Variants in GRIK2 observed in about 807,000 individuals in gnomAD.
The protein encoded by GRIK2 is glutamate receptor ionotropic, kainate 2.
GRIK2 carries 32 observed loss-of-function variants against 100.3 expected under a neutral mutation model. The ratio of observed to expected loss-of-function variants is 0.32; its 90% CI spans 0.24 to 0.43. The LOEUF (loss-of-function observed/expected upper bound fraction) is 0.43. Among genes scored for constraint, GRIK2 ranks in the 20% least tolerant of loss-of-function variants. The pLI, the probability that GRIK2 is intolerant of heterozygous loss-of-function variation, is 1.00. For missense variants in GRIK2, 843 were observed against 1,114.9 expected (o/e 0.76, Z 3.47); for synonymous variants, 417 against 389.4 (o/e 1.07, Z -0.83).
At chr6:101,714,779 T>A (rs1297691539) in intron 7 of GRIK2, among the ~76,000 whole-genome samples, 3 of 151,810 alleles carry the variant, frequency 2.0e-5, no homozygotes, top group Admixed American at 6.6e-5. Flanking sequence ...CCTTTGCAGT[T>A]AAAATTCTTA....
chr6:102,012,937 A>G (rs548505162), intron 14 of GRIK2, among the ~76,000 whole-genome samples: 1 of 152,126 alleles, frequency 6.6e-6, no homozygotes, highest in African/African-American at 2.4e-5. Flanking sequence ...GTTCCATGTG[A>G]ATTTTAAATT....
At chr6:102,051,777 T>C (rs1771212861) in intron 15 of GRIK2, among the ~76,000 whole-genome samples, 2 of 152,284 alleles carry the variant, frequency 1.3e-5, no homozygotes, top group East Asian at 1.9e-4. Flanking sequence ...AGTTTGAAAA[T>C]TGACTCTAAG....
intron 2 of GRIK2, among the ~76,000 whole-genome samples, chr6:101,460,745 G>GC (rs1771263425): frequency 6.6e-6 from 1 of 152,142 alleles, no homozygotes; most frequent in South Asian, 2.1e-4. Flanking sequence ...AAGGACACCT[G>GC]CAAGAATTAA....
chr6:101,592,624 T>TA (rs71028078), intron 2 of GRIK2, among the ~76,000 whole-genome samples: 5 of 133,536 alleles, frequency 3.7e-5, no homozygotes, highest in South Asian at 2.4e-4. Flanking sequence ...TATATATATA[T>TA]TGCTTTTTCA....
intron 4 of GRIK2, among the ~76,000 whole-genome samples, chr6:101,646,122 G>A (rs1251998641): frequency 6.6e-6 from 1 of 151,046 alleles, no homozygotes; most frequent in African/African-American, 2.5e-5. Flanking sequence ...GTTCCACAAG[G>A]GCAGAGAATG....
chr6:101,675,179 C>T (rs1049837185), intron 4 of GRIK2, among the ~76,000 whole-genome samples: 14 of 151,980 alleles, frequency 9.2e-5, no homozygotes, highest in African/African-American at 2.7e-4. Context: ...CCTCTCTTCC[C>T]TCTACCCTCC....
At chr6:101,864,712 C>T (rs981632266) in intron 11 of GRIK2, among the ~76,000 whole-genome samples, 12 of 151,994 alleles carry the variant, frequency 7.9e-5, no homozygotes, top group African/African-American at 2.7e-4. Context: ...TTGAATGTTG[C>T]TATATTTTGT....
intron 5 of GRIK2, among the ~76,000 whole-genome samples, chr6:101,677,967 G>T (rs1007505056): frequency 6.6e-6 from 1 of 151,954 alleles, no homozygotes; most frequent in African/African-American, 2.4e-5. Flanking sequence ...GAGTTTTTGG[G>T]TTTTTTTGGC....
chr6:101,533,045 C>T (rs1486774726), intron 2 of GRIK2, among the ~76,000 whole-genome samples: 1 of 151,846 alleles, frequency 6.6e-6, no homozygotes, highest in Non-Finnish European at 1.5e-5. Context: ...CAATTAGGTT[C>T]AACTTATCTC....
intron 10 of GRIK2, among the ~76,000 whole-genome samples, chr6:101,827,493 A>C (rs548195591): frequency 1.3e-5 from 2 of 151,958 alleles, no homozygotes; most frequent in South Asian, 4.1e-4. Context: ...AAAACAAAAA[A>C]AAACCAATAT....
intron 11 of GRIK2, among the ~76,000 whole-genome samples, chr6:101,876,257 C>T (rs1785832152): frequency 6.6e-6 from 1 of 151,404 alleles, no homozygotes; most frequent in Non-Finnish European, 1.5e-5. Context: ...TACATTTTTC[C>T]TCCTTATAAT....
intron 2 of GRIK2, among the ~76,000 whole-genome samples, chr6:101,580,686 G>C (rs2128302699): frequency 6.6e-6 from 1 of 152,142 alleles, no homozygotes. Flanking sequence ...GAACCTCTCT[G>C]CCCTAAGTTC....
chr6:101,498,982 T>C lies in GRIK2; in HGVS notation c.115+99590T>C, dbSNP rs564582000. Reference sequence around the variant, plus strand: ...GAATGGTAATGCCTAGGTTTTCTTCTAGGGTTTTTATGGTTTTAGGTCTAA... The same window carrying C: ...GAATGGTAATGCCTAGGTTTTCTTCCAGGGTTTTTATGGTTTTAGGTCTAA... On this transcript the variant is annotated intron_variant, in intron 2 of 16. Coordinates refer to ENST00000369134, the MANE Select transcript of GRIK2 (RefSeq NM_021956.5). Among the ~76,000 whole-genome samples the C allele has an allele frequency of 8.5e-5, 13 of 152,172 alleles. No homozygotes were observed. In the South Asian group the frequency reaches 2.7e-3, roughly 32 times the overall value.
At chr6:101,862,758 A>G (rs571327825) in intron 11 of GRIK2, among the ~76,000 whole-genome samples, 80 of 152,028 alleles carry the variant, frequency 5.3e-4, no homozygotes, top group African/African-American at 1.9e-3. Context: ...TTTTGTGGAA[A>G]CTCATAGTTT....
In GRIK2 at chr6:101,409,108, ATGTGTGTGTGTG is replaced by A. The variant is rs67806970; in HGVS notation, c.115+9750_115+9761del. On this transcript the variant is annotated intron_variant, in intron 2 of 16. Coordinates refer to ENST00000369134, the MANE Select transcript of GRIK2 (RefSeq NM_021956.5). ...ATTTCTATTACCTGAAACATTGTGT[ATGTGTGTGTGTG>A]TGTGTGTGTGTGTGTGTGTGTGTGT... 5.3e-3 allele frequency among the ~76,000 whole-genome samples: 734 copies of A among 138,514 alleles called. 4 individuals carry two copies. The highest frequency in any genetic ancestry group is 0.014 in the African/African-American group (535 of 37,546). 90.9% of individuals were successfully genotyped at this position (138,514 alleles called of 152,430 possible). A position where few individuals can be genotyped will look rare whatever the true frequency, so the allele number is the denominator to read the frequency against.
chr6:101,919,375 T>A (rs569294231), intron 12 of GRIK2, among the ~76,000 whole-genome samples: 51 of 151,924 alleles, frequency 3.4e-4, no homozygotes, highest in African/African-American at 1.1e-3. Flanking sequence ...AGTTTGTATT[T>A]AAGTAAAAAT....
intron 16 of GRIK2, among the ~76,000 whole-genome samples, chr6:102,056,888 CAAATT>C (rs1362494169): frequency 7.9e-5 from 12 of 151,946 alleles, no homozygotes; most frequent in East Asian, 3.9e-4. Context: ...ACTGAAATAA[CAAATT>C]AAAGTTTTTG....
At chr6:101,951,140 C>T (rs1416018847) in intron 14 of GRIK2, among the ~76,000 whole-genome samples, 3 of 152,146 alleles carry the variant, frequency 2.0e-5, no homozygotes, top group Non-Finnish European at 4.4e-5. Flanking sequence ...GTCATCCAAA[C>T]ACCTTTTAAA....
At chr6:102,046,821 A>G (rs1770912967) in intron 15 of GRIK2, among the ~76,000 whole-genome samples, 1 of 152,174 alleles carries the variant, frequency 6.6e-6, no homozygotes, top group Non-Finnish European at 1.5e-5. Context: ...CCATGAAACA[A>G]ATCTTAACAA....
Sources: allele counts gnomAD v4.1 joint callset (sites outside exome capture counted in the v4.1 genomes callset), GRCh38; gene constraint gnomAD v4.1.1; transcripts MANE v1.5; gene names NCBI Gene and HGNC (gene_info 2026-07-23, HGNC 2026-07-21).